EVI5: variants seen among roughly 807,000 people sequenced by gnomAD.
EVI5 encodes the protein ecotropic viral integration site 5 protein homolog.
In EVI5, 73 loss-of-function variants were observed where a neutral mutation model predicts 112.0. That is an observed-to-expected ratio of 0.65 (90% confidence interval 0.54 to 0.79). The LOEUF is 0.79. EVI5 is among the 30% of genes least tolerant of loss of function. The pLI, the probability that EVI5 is intolerant of heterozygous loss-of-function variation, is 0.00. For synonymous variants in EVI5, 305 were observed against 319.9 expected, an observed-to-expected ratio of 0.95 and a Z score of 0.50; for missense variants, 900 against 968.8, an observed-to-expected ratio of 0.93 and a Z score of 0.94.
At chr1:92,544,444 G>A (rs1368750724) in intron 19 of EVI5, among the ~76,000 whole-genome samples, 1 of 152,134 alleles carries the variant, frequency 6.6e-6, no homozygotes. Flanking sequence ...ATTAGAAAAT[G>A]TAGAAATAAC....
chr1:92,624,131 T>C, intron 16 of EVI5, 45 bp downstream of exon 16: 2 of 1,496,572 alleles, frequency 1.3e-6, no homozygotes, highest in Non-Finnish European at 1.9e-6. Flanking sequence ...AAACCCTTGA[T>C]CAGCTAATGA....
chr1:92,649,316 C>T (rs1661632633), intron 13 of EVI5, among the ~76,000 whole-genome samples: 2 of 152,194 alleles, frequency 1.3e-5, no homozygotes, highest in East Asian at 3.8e-4. Flanking sequence ...TACCATTCTA[C>T]AGGTTGCCTT....
chr1:92,651,925 T>C (rs984855271), intron 13 of EVI5, among the ~76,000 whole-genome samples: 1 of 151,532 alleles, frequency 6.6e-6, no homozygotes, highest in Admixed American at 6.6e-5. Flanking sequence ...ACAGTTGCTA[T>C]AGATAAGTCT....
chr1:92,647,715 G>A lies in EVI5; in HGVS notation c.1393-11379C>T, dbSNP rs963539175. On this transcript the variant is annotated intron_variant, in intron 13 of 19. Transcript: ENST00000684568. ...GTGAAGGGGGCAGGAAGGGTGCTTG[G>A]AGGAGAGGTAGGAGGTCAATAACAT... The A allele has an allele frequency of 2.6e-5, 6 of 233,084 alleles. No homozygotes were observed. The East Asian group carries it at 4.5e-4, about 17-fold the overall frequency. The allele number at this position is 233,084 out of a possible 1,614,324, so 14.4% of individuals were successfully genotyped here.
At chr1:92,645,670 C>A (rs185856499) in intron 13 of EVI5, among the ~76,000 whole-genome samples, 3 of 152,240 alleles carry the variant, frequency 2.0e-5, no homozygotes, top group Non-Finnish European at 4.4e-5. Flanking sequence ...ATTGAGCTAT[C>A]CTATCCAAAT....
At chr1:92,553,821 C>T (rs1416760857) in intron 19 of EVI5, among the ~76,000 whole-genome samples, 2 of 152,128 alleles carry the variant, frequency 1.3e-5, no homozygotes, top group Non-Finnish European at 2.9e-5. Flanking sequence ...AAACATATTG[C>T]CTTGGAGATT....
chr1:92,739,974 T>C (rs1678100527), intron 1 of EVI5, among the ~76,000 whole-genome samples: 1 of 90,954 alleles, frequency 1.1e-5, no homozygotes, highest in African/African-American at 3.4e-5. Flanking sequence ...CAAGTTACCT[T>C]TAAAAAAAAA....
upstream of EVI5, among the ~76,000 whole-genome samples, chr1:92,787,749 AAAAAG>A (rs1434984954): frequency 6.6e-6 from 1 of 152,062 alleles, no homozygotes; most frequent in Non-Finnish European, 1.5e-5. Flanking sequence ...CAAAAAAAAA[AAAAAG>A]AGAGAGAAAG....
At chr1:92,703,237 T>C (rs1287195964) in intron 4 of EVI5, among the ~76,000 whole-genome samples, 158 bp downstream of exon 4, 6 of 152,058 alleles carry the variant, frequency 3.9e-5, no homozygotes, top group African/African-American at 1.4e-4. Context: ...TAGATAGTAA[T>C]GTAGCATAAG....
Position 92,512,553 on chromosome 1 carries a change from C to A in EVI5, c.*1103G>T, listed in dbSNP as rs970453246. On this transcript the variant is annotated 3_prime_UTR_variant, in exon 20 of 20. Coordinates refer to ENST00000684568, the MANE Select transcript of EVI5 (RefSeq NM_001350197.2). The stretch of plus-strand genomic sequence containing the variant: ...GATGCTGAAAGCAGTCATTTTGCAA[C>A]ATGTATGTTCTTCATATAAAATGAT... 6.6e-6 allele frequency: 1 copy of A among 152,140 alleles called. No homozygotes were observed. The highest frequency in any genetic ancestry group is 2.4e-5 in the African/African-American group (1 of 41,436). The allele number at this position is 152,140 out of a possible 1,614,324, so 9.4% of individuals were successfully genotyped here. A position where few individuals can be genotyped will look rare whatever the true frequency, so the allele number is the denominator to read the frequency against.
intron 18 of EVI5, among the ~76,000 whole-genome samples, chr1:92,597,370 A>C (rs1310473937): frequency 6.6e-6 from 1 of 152,208 alleles, no homozygotes; most frequent in Non-Finnish European, 1.5e-5. Context: ...AATTCTGATA[A>C]TAGTTGGCAT....
chr1:92,784,373 C>G, intron 1 of EVI5: 1 of 985,386 alleles, frequency 1.0e-6, no homozygotes, highest in Non-Finnish European at 1.2e-6. Flanking sequence ...CATCAGCAGC[C>G]TGGAGACACG....
rs966196925 is a variant in EVI5 at position 92,561,335 on chromosome 1, G to GT, written c.2166+2306dup. 1.7e-4 allele frequency among the ~76,000 whole-genome samples: 26 copies of GT among 151,486 alleles called. 1 individual carries two copies. Among genetic ancestry groups the GT allele is most frequent in the Admixed American group, 1.4e-3 (22 of 15,174 alleles). Reference sequence around the variant, plus strand: ...ATTAATAAATAAAAATGCTTTAAAGGTTTTTTTTCCTTTCTTTTCAAAAAG... The same window carrying GT: ...ATTAATAAATAAAAATGCTTTAAAGGTTTTTTTTTCCTTTCTTTTCAAAAAG... On this transcript the variant is annotated intron_variant, in intron 19 of 19. Transcript: ENST00000684568.
intron 1 of EVI5, among the ~76,000 whole-genome samples, chr1:92,776,850 T>C (rs1684207061): frequency 6.6e-6 from 1 of 151,382 alleles, no homozygotes; most frequent in Non-Finnish European, 1.5e-5. Context: ...TCGCCCAGGC[T>C]GGAGTGCAGT....
intron 18 of EVI5, among the ~76,000 whole-genome samples, chr1:92,576,212 G>A: frequency 6.6e-6 from 1 of 151,158 alleles, no homozygotes; most frequent in East Asian, 1.9e-4. Context: ...ATGATATTAT[G>A]TATACATGTC....
rs1315547487 is a variant in EVI5 at position 92,663,491 on chromosome 1, G to C, written c.1213-39C>G. ...AATTCAGATAGAAATATAAGAGAAA[G>C]AAATAAAAGTGATAAAATTAGGAAA... is the stretch of plus-strand genomic sequence containing the variant. On this transcript the variant is annotated intron_variant, in intron 11 of 19. Transcript: ENST00000684568. The C allele has an allele frequency of 6.7e-6, 7 of 1,038,716 alleles. No individual in the cohort carries two copies. The East Asian group carries it at 1.9e-4, about 28-fold the overall frequency. The allele number at this position is 1,038,716 out of a possible 1,614,324, so 64.3% of individuals were successfully genotyped here.
At chr1:92,766,469 T>C (rs1269519497) in intron 1 of EVI5, among the ~76,000 whole-genome samples, 1 of 152,156 alleles carries the variant, frequency 6.6e-6, no homozygotes, top group African/African-American at 2.4e-5. Flanking sequence ...AATTTCAGTA[T>C]ACACAATATA....
chr1:92,746,115 A>T (rs554029799), intron 1 of EVI5, among the ~76,000 whole-genome samples: 3 of 152,346 alleles, frequency 2.0e-5, no homozygotes, highest in African/African-American at 7.2e-5. Flanking sequence ...AATAAAGCAA[A>T]TGCCAAGCTG....
chr1:92,538,083 T>C (rs887842687), intron 19 of EVI5, among the ~76,000 whole-genome samples: 8 of 152,190 alleles, frequency 5.3e-5, no homozygotes, highest in Non-Finnish European at 1.0e-4. Flanking sequence ...GGGGGAGTCA[T>C]TTACAGAGAA....
Sources: allele counts gnomAD v4.1 joint callset (sites outside exome capture counted in the v4.1 genomes callset), GRCh38; gene constraint gnomAD v4.1.1; transcripts MANE v1.5; gene names NCBI Gene and HGNC (gene_info 2026-07-23, HGNC 2026-07-21).